The following USP45 variants were observed in gnomAD, a reference collection of about 807,000 sequenced individuals.
The protein encoded by USP45 is ubiquitin specific peptidase 45, also known as ubiquitin carboxyl-terminal hydrolase 45.
In USP45, 89 loss-of-function variants were observed where a neutral mutation model predicts 95.8. The observed-to-expected ratio is 0.93, with a 90% CI of 0.78 to 1.11. The LOEUF (loss-of-function observed/expected upper bound fraction) is 1.11, where lower values mean the gene tolerates loss of function less well. USP45 is among the 50% of genes least tolerant of loss of function. USP45 has a pLI of 0.00. For synonymous variants in USP45, 281 were observed against 316.2 expected (o/e 0.89, Z 1.18); for missense variants, 898 against 942.5 (o/e 0.95, Z 0.62).
chr6:99,472,557 C>T (rs1204849887), intron 9 of USP45, among the ~76,000 whole-genome samples: 2 of 151,950 alleles, frequency 1.3e-5, no homozygotes, highest in Admixed American at 6.6e-5. Context: ...TACATGACCA[C>T]CACATAGTAA....
chr6:99,507,674 G>A, intron 3 of USP45, 143 bp from the exon 4 acceptor site: 1 of 589,110 alleles, frequency 1.7e-6, no homozygotes, highest in Non-Finnish European at 3.0e-6. Flanking sequence ...AAAGTAATAT[G>A]GATTCTCATT....
intron 12 of USP45, 42 bp from the exon 13 acceptor site, chr6:99,464,789 A>C (rs1787504340): frequency 6.5e-7 from 1 of 1,531,980 alleles, no homozygotes; most frequent in Admixed American, 2.2e-5. Flanking sequence ...CTCTTTAGTA[A>C]ATAAATTCTG....
In USP45 at chr6:99,434,695, G is replaced by C. The variant is rs1208553496; in HGVS notation, c.*1021C>G. On this transcript the variant is annotated 3_prime_UTR_variant, in exon 18 of 18. Coordinates refer to ENST00000500704, the MANE Select transcript of USP45 (RefSeq NM_001346022.3). ...AAAGTGATTTCAAAACCCCAAAACT[G>C]TGTTTAGTATTTACAAGAAGTAGAA... is the stretch of plus-strand genomic sequence containing the variant. 6.6e-6 allele frequency: 1 copy of C among 152,120 alleles called. No individual in the cohort carries two copies. Among genetic ancestry groups the C allele is most frequent in the Non-Finnish European group, 1.5e-5 (1 of 67,998 alleles). The allele number at this position is 152,120 out of a possible 1,614,324, so 9.4% of individuals were successfully genotyped here.
At chr6:99,508,872 T>G (rs1799115875) in intron 2 of USP45, 90 bp from the exon 3 acceptor site, 1 of 1,171,148 alleles carries the variant, frequency 8.5e-7, no homozygotes, top group African/African-American at 1.5e-5. Context: ...TTAAATGCTG[T>G]TAACTAAAAA....
chr6:99,493,112 C>T (rs781325555), intron 5 of USP45, among the ~76,000 whole-genome samples: 10 of 152,016 alleles, frequency 6.6e-5, no homozygotes, highest in African/African-American at 1.2e-4. Context: ...CTGCAACCTC[C>T]GCTCCCTGGG....
At chr6:99,442,042 A>C (rs982857091) in intron 15 of USP45, among the ~76,000 whole-genome samples, 10 of 152,198 alleles carry the variant, frequency 6.6e-5, no homozygotes, top group Admixed American at 3.3e-4. Context: ...ACAATGCCCA[A>C]ACCCTGGGAA....
chr6:99,456,133 GGAA>G (rs1785025011), intron 13 of USP45, among the ~76,000 whole-genome samples: 1 of 55,620 alleles, frequency 1.8e-5, no homozygotes, highest in Non-Finnish European at 2.9e-5. Flanking sequence ...ACTCTGTCTC[GGAA>G]AAAAAAAAAA....
At chr6:99,461,331 C>T in intron 13 of USP45, 1 of 985,328 alleles carries the variant, frequency 1.0e-6, no homozygotes, top group South Asian at 4.7e-5. Flanking sequence ...GAATAGACTT[C>T]ACATAATATC....
intron 5 of USP45, among the ~76,000 whole-genome samples, chr6:99,498,289 T>A (rs1329294472): frequency 5.3e-5 from 8 of 152,228 alleles, no homozygotes; most frequent in Admixed American, 3.3e-4. Context: ...AAAGCTTATC[T>A]ATCTACTTCC....
chr6:99,445,444 C>G (rs1241785530), intron 14 of USP45, among the ~76,000 whole-genome samples: 1 of 150,420 alleles, frequency 6.6e-6, no homozygotes, highest in Non-Finnish European at 1.5e-5. Flanking sequence ...GATCGCGCCA[C>G]TGTACTCCAG....
intron 5 of USP45, among the ~76,000 whole-genome samples, chr6:99,502,329 T>C (rs1225900937): frequency 6.6e-6 from 1 of 152,202 alleles, no homozygotes; most frequent in Admixed American, 6.5e-5. Context: ...TTTTGCTATA[T>C]TAAAACTATA....
At position 99,481,818 on chromosome 6, in the gene USP45, T is replaced by C. The variant is rs543408262; in HGVS notation, c.845+935A>G. On this transcript the variant is annotated intron_variant, in intron 8 of 17. Coordinates refer to ENST00000500704, the MANE Select transcript of USP45 (RefSeq NM_001346022.3). Reference sequence around the variant, plus strand: ...CTTAGAATAATGGCCTCCAGCTGCATCCATGTTGTCGCAAAGAATATGATT... The same window carrying C: ...CTTAGAATAATGGCCTCCAGCTGCACCCATGTTGTCGCAAAGAATATGATT... 3.3e-5 allele frequency among the ~76,000 whole-genome samples: 5 copies of C among 152,246 alleles called. No individual in the cohort carries two copies. In the East Asian group the frequency reaches 9.6e-4, roughly 29 times the overall value.
intron 8 of USP45, among the ~76,000 whole-genome samples, chr6:99,482,052 C>A (rs1159344911): frequency 1.3e-5 from 2 of 152,090 alleles, no homozygotes; most frequent in Non-Finnish European, 2.9e-5. Context: ...ATTTTAAAGT[C>A]TATAGATATA....
chr6:99,446,040 T>C lies in USP45; in HGVS notation c.1732A>G (p.Asn578Asp). Residue 578 changes from asparagine (N) to aspartate (D), a missense_variant, in exon 14 of 18, where the codon AAT (asparagine) becomes GAT (aspartate). Physicochemically the swap from Asn to Asp is conservative, Grantham distance 23. Coordinates refer to ENST00000500704, the MANE Select transcript of USP45 (RefSeq NM_001346022.3). ...TTATTTGAAATATTTAGTGGCTGAT[T>C]TTCTCTGTCAAAATCTTGATCTCCA... ...VTGDQDFDRE[N>D]QPLNISNNLC... The C allele has an allele frequency of 6.2e-7, 1 of 1,614,104 alleles. No homozygotes were observed. The highest frequency in any genetic ancestry group is 8.5e-7 in the Non-Finnish European group (1 of 1,180,040).
intron 13 of USP45, among the ~76,000 whole-genome samples, chr6:99,463,909 A>C (rs1300413233): frequency 6.6e-6 from 1 of 151,950 alleles, no homozygotes; most frequent in African/African-American, 2.4e-5. Flanking sequence ...AGTACTTATG[A>C]GACAACTGCA....
At chr6:99,479,321 T>C (rs750250246) in intron 8 of USP45, among the ~76,000 whole-genome samples, 2 of 152,016 alleles carry the variant, frequency 1.3e-5, no homozygotes, top group Non-Finnish European at 2.9e-5. Context: ...GTGATCCTCC[T>C]ACCTCAGCCT....
chr6:99,436,471 G>A (rs1483115728), intron 17 of USP45, among the ~76,000 whole-genome samples: 11 of 151,916 alleles, frequency 7.2e-5, no homozygotes, highest in Non-Finnish European at 1.2e-4. Flanking sequence ...CAGGAGAATC[G>A]CTTGAACCCG....
chr6:99,440,149 A>C (rs1312452873), intron 15 of USP45, among the ~76,000 whole-genome samples: 1 of 152,208 alleles, frequency 6.6e-6, no homozygotes, highest in African/African-American at 2.4e-5. Flanking sequence ...AAGCTAAGCT[A>C]CTGACACATA....
intron 7 of USP45, among the ~76,000 whole-genome samples, chr6:99,487,532 G>A (rs1794201113): frequency 6.6e-6 from 1 of 150,864 alleles, no homozygotes; most frequent in African/African-American, 2.4e-5. Flanking sequence ...GCTCACGCCT[G>A]TAATCCCAGC....
Sources: allele counts gnomAD v4.1 joint callset (sites outside exome capture counted in the v4.1 genomes callset), GRCh38; gene constraint gnomAD v4.1.1; transcripts MANE v1.5; gene names NCBI Gene and HGNC (gene_info 2026-07-23, HGNC 2026-07-21).